The following MAEL variants were observed in gnomAD, a reference collection of about 807,000 sequenced individuals.
MAEL encodes protein maelstrom homolog.
Under a neutral mutation model 62.0 loss-of-function variants are expected in MAEL, and 46 were observed. That is an observed-to-expected ratio of 0.74 (90% CI 0.59 to 0.95). The LOEUF is 0.95. MAEL is among the 40% of genes least tolerant of loss of function. The pLI is 0.00. For missense variants in MAEL, 497 were observed against 526.8 expected (o/e 0.94, Z 0.55); for synonymous variants, 172 against 175.5 (o/e 0.98, Z 0.16).
At chr1:166,989,186 A>C (rs1391744995), upstream of MAEL, 2 of 905,224 alleles carry the variant, frequency 2.2e-6, no homozygotes, top group Admixed American at 2.8e-5. Context: ...TTCCAGTCTC[A>C]GGCTGTTTGT....
At chr1:167,007,664 A>G (rs1571266612) in intron 8 of MAEL, among the ~76,000 whole-genome samples, 1 of 150,360 alleles carries the variant, frequency 6.7e-6, no homozygotes, top group South Asian at 2.1e-4. Flanking sequence ...ATCCATCTCT[A>G]TCTTATCATG....
intron 1 of MAEL, among the ~76,000 whole-genome samples, chr1:166,978,084 C>T (rs1198139566): frequency 2.0e-5 from 3 of 152,198 alleles, no homozygotes; most frequent in Non-Finnish European, 2.9e-5. Flanking sequence ...GAAATGAACT[C>T]ATGTCTGCTC....
chr1:166,992,551 C>T, intron 3 of MAEL, 135 bp from the exon 4 acceptor site: 2 of 572,134 alleles, frequency 3.5e-6, no homozygotes, highest in Admixed American at 7.5e-5. Context: ...TTTCTCTTTT[C>T]CAGCTCATTT....
chr1:167,003,978 G>C (rs1037835308), intron 5 of MAEL, among the ~76,000 whole-genome samples: 4 of 151,924 alleles, frequency 2.6e-5, no homozygotes, highest in African/African-American at 4.8e-5. Flanking sequence ...TACACACACA[G>C]ACACACACAC....
At chr1:166,982,189 G>C (rs1663778885) in intron 1 of MAEL, among the ~76,000 whole-genome samples, 1 of 152,208 alleles carries the variant, frequency 6.6e-6, no homozygotes. Flanking sequence ...ACAATGTCTA[G>C]ATGGTACTCA....
intron 1 of MAEL, among the ~76,000 whole-genome samples, chr1:166,982,910 C>T (rs766041960): frequency 6.6e-6 from 1 of 152,204 alleles, no homozygotes; most frequent in Non-Finnish European, 1.5e-5. Flanking sequence ...CTGGAATGCT[C>T]TTCTCCAGAT....
chr1:166,986,944 ACGTGTG>A (rs1663935547), upstream of MAEL, among the ~76,000 whole-genome samples: 1 of 57,700 alleles, frequency 1.7e-5, no homozygotes, highest in Non-Finnish European at 3.4e-5. Context: ...AAGGAAGGGG[ACGTGTG>A]TGTGTGTGTG....
rs1388705293 is a variant in MAEL, at chr1:167,021,903, C to T, written c.*48C>T. The T allele has an allele frequency of 1.6e-6, 2 of 1,231,072 alleles. No homozygotes were observed. The highest frequency in any genetic ancestry group is 3.9e-5 in the Admixed American group (2 of 50,918). The allele number at this position is 1,231,072 out of a possible 1,614,324, so 76.3% of individuals were successfully genotyped here. A position where few individuals can be genotyped will look rare whatever the true frequency, so the allele number is the denominator to read the frequency against. ...TGAAAACAGTAACAGGCCCAACTTCCTTCTTACTACAGTCATATTAAACAG... is the reference window on the plus strand; with the variant it reads ...TGAAAACAGTAACAGGCCCAACTTCTTTCTTACTACAGTCATATTAAACAG... On this transcript the variant is annotated 3_prime_UTR_variant, in exon 12 of 12. Coordinates refer to ENST00000367872, the MANE Select transcript of MAEL (RefSeq NM_032858.3).
At chr1:167,013,713 T>C (rs1378930549) in intron 8 of MAEL, among the ~76,000 whole-genome samples, 2 of 152,182 alleles carry the variant, frequency 1.3e-5, no homozygotes, top group African/African-American at 2.4e-5. Flanking sequence ...CATTCATATT[T>C]AGAAATGAGG....
At chr1:166,999,610 A>C (rs1346772300) in intron 5 of MAEL, among the ~76,000 whole-genome samples, 1 of 152,250 alleles carries the variant, frequency 6.6e-6, no homozygotes, top group East Asian at 1.9e-4. Flanking sequence ...CAGAGGATCT[A>C]GCAAAGATAA....
intron 8 of MAEL, among the ~76,000 whole-genome samples, chr1:167,015,253 A>G (rs1665340863): frequency 6.6e-6 from 1 of 152,118 alleles, no homozygotes; most frequent in African/African-American, 2.4e-5. Flanking sequence ...TATATAACTT[A>G]ACTTTTGTTT....
intron 2 of MAEL, 36 bp from the exon 3 acceptor site, chr1:166,991,342 A>G (rs755651316): frequency 4.4e-6 from 6 of 1,360,358 alleles, no homozygotes; most frequent in Non-Finnish European, 6.3e-6. Flanking sequence ...GTGCCCAGCA[A>G]GAGTTTATGT....
At position 166,994,088 on chromosome 1, in the gene MAEL, G is replaced by C. The variant is rs535168942; in HGVS notation, c.523+19G>C. ...GCTGCAAGTAAGTATAAAGGAATGG[G>C]GTAGGATTTGTGACTTGAATCTATT... On this transcript the variant is annotated intron_variant, in intron 5 of 11. Coordinates refer to ENST00000367872, the MANE Select transcript of MAEL (RefSeq NM_032858.3). The C allele has an allele frequency of 8.7e-6, 14 of 1,608,722 alleles. No individual in the cohort carries two copies. In the East Asian group the frequency reaches 1.6e-4, roughly 18 times the overall value.
chr1:166,977,335 T>C (rs1265903915), intron 1 of MAEL, among the ~76,000 whole-genome samples: 3 of 152,166 alleles, frequency 2.0e-5, no homozygotes, highest in Admixed American at 2.0e-4. Context: ...AATAAAAATA[T>C]AGGAGGTACC....
intron 5 of MAEL, among the ~76,000 whole-genome samples, 196 bp from the exon 6 acceptor site, chr1:167,003,984 C>T (rs1291593589): frequency 6.6e-6 from 1 of 152,138 alleles, no homozygotes; most frequent in Non-Finnish European, 1.5e-5. Context: ...CACAGACACA[C>T]ACACATCAAA....
intron 5 of MAEL, among the ~76,000 whole-genome samples, chr1:167,003,832 C>A (rs11809634): frequency 0.4 from 61,494 of 151,852 alleles, 13,615 homozygotes; most frequent in African/African-American, 0.6. Context: ...CTTACTAATA[C>A]AAAATTTATG....
intron 1 of MAEL, among the ~76,000 whole-genome samples, chr1:166,976,639 G>A (rs1663591089): frequency 1.3e-5 from 2 of 152,172 alleles, no homozygotes; most frequent in Non-Finnish European, 2.9e-5. Flanking sequence ...TGGAAAGGGG[G>A]CAGGCGAGGG....
chr1:166,983,290 CAT>C (rs1461229142), intron 1 of MAEL, among the ~76,000 whole-genome samples: 3 of 152,174 alleles, frequency 2.0e-5, no homozygotes, highest in East Asian at 1.9e-4. Flanking sequence ...TACTTTTTCA[CAT>C]GTTCTTCTCA....
intron 10 of MAEL, among the ~76,000 whole-genome samples, chr1:167,019,839 A>G (rs1392598560): frequency 6.6e-6 from 1 of 151,936 alleles, no homozygotes; most frequent in Non-Finnish European, 1.5e-5. Context: ...TCATTCTTAG[A>G]GCAACACCAA....
Sources: allele counts gnomAD v4.1 joint callset (sites outside exome capture counted in the v4.1 genomes callset), GRCh38; gene constraint gnomAD v4.1.1; transcripts MANE v1.5; gene names NCBI Gene and HGNC (gene_info 2026-07-23, HGNC 2026-07-21).